The following SNX13 variants were observed in gnomAD, a reference collection of about 807,000 sequenced individuals.
SNX13 encodes sorting nexin-13.
A neutral mutation model predicts 133.6 loss-of-function variants in SNX13; 45 were observed. The ratio of observed to expected loss-of-function variants is 0.34; its 90% CI spans 0.27 to 0.43. The LOEUF (loss-of-function observed/expected upper bound fraction) is 0.43, where lower values mean the gene tolerates loss of function less well. Ranked by LOEUF, SNX13 falls within the 20% of genes least tolerant of loss-of-function variation. The pLI is 1.00. For missense variants in SNX13, 1,032 were observed against 1,145.1 expected, an observed-to-expected ratio of 0.90 and a Z score of 1.43; for synonymous variants, 414 against 373.9, an observed-to-expected ratio of 1.11 and a Z score of -1.24.
chr7:17,883,890 G>C (rs538057342), intron 5 of SNX13, among the ~76,000 whole-genome samples: 47 of 152,142 alleles, frequency 3.1e-4, no homozygotes, highest in Non-Finnish European at 5.4e-4. Context: ...CCCTGCAAAG[G>C]ACATGTACTC....
intron 11 of SNX13, among the ~76,000 whole-genome samples, chr7:17,847,968 T>C (rs1036323798): frequency 6.6e-6 from 1 of 152,088 alleles, no homozygotes; most frequent in African/African-American, 2.4e-5. Context: ...AAAAGGGTGG[T>C]CCCTGGCGAA....
At chr7:17,854,585 A>G (rs1791661069) in intron 9 of SNX13, among the ~76,000 whole-genome samples, 1 of 152,188 alleles carries the variant, frequency 6.6e-6, no homozygotes, top group African/African-American at 2.4e-5. Context: ...AATTTTCAGA[A>G]TATTTCAGAC....
chr7:17,810,723 C>A (rs573816708), intron 20 of SNX13, among the ~76,000 whole-genome samples: 2 of 152,172 alleles, frequency 1.3e-5, no homozygotes, highest in Non-Finnish European at 2.9e-5. Context: ...CAGGCCAATA[C>A]GCCTGATGAA....
At chr7:17,876,995 A>C (rs1295282252) in intron 5 of SNX13, among the ~76,000 whole-genome samples, 1 of 150,416 alleles carries the variant, frequency 6.6e-6, no homozygotes, top group Non-Finnish European at 1.5e-5. Flanking sequence ...TTACCCACAC[A>C]TACAATAAAA....
chr7:17,796,101 C>G (rs1376275121), intron 25 of SNX13: 1 of 151,610 alleles, frequency 6.6e-6, no homozygotes, highest in Non-Finnish European at 1.5e-5. Flanking sequence ...TTCAAAGATA[C>G]TCATTAACAA....
chr7:17,878,737 C>T (rs1266223744), intron 5 of SNX13, among the ~76,000 whole-genome samples: 2 of 152,198 alleles, frequency 1.3e-5, no homozygotes, highest in Non-Finnish European at 2.9e-5. Flanking sequence ...CAAACACCTT[C>T]TCTAAGATCT....
chr7:17,840,004 G>A lies in SNX13; in HGVS notation c.1166-4C>T, dbSNP rs765306070. On this transcript the variant is annotated splice_polypyrimidine_tract_variant and splice_region_variant and intron_variant, in intron 12 of 25. Coordinates refer to ENST00000428135, the MANE Select transcript of SNX13 (RefSeq NM_015132.5). ...CCTCCAGTTTGCTGCATGTAATCTA[G>A]CAATCAAAAATCCATAATAACATAA... 6.2e-7 allele frequency: 1 copy of A among 1,603,264 alleles called. No homozygotes were observed. Among genetic ancestry groups the A allele is most frequent in the African/African-American group, 1.3e-5 (1 of 74,250 alleles).
At chr7:17,800,261 G>A (rs1784470754) in intron 22 of SNX13, among the ~76,000 whole-genome samples, 1 of 151,596 alleles carries the variant, frequency 6.6e-6, no homozygotes, top group African/African-American at 2.4e-5. Context: ...AAAACCAAAT[G>A]AAAATATTAT....
intron 1 of SNX13, among the ~76,000 whole-genome samples, chr7:17,930,810 G>A (rs1199346361): frequency 1.3e-5 from 2 of 152,020 alleles, no homozygotes; most frequent in African/African-American, 4.8e-5. Context: ...TTTTCCACCT[G>A]AGCTCAGCCT....
At chr7:17,908,818 T>A (rs1252787046) in intron 1 of SNX13, among the ~76,000 whole-genome samples, 1 of 152,134 alleles carries the variant, frequency 6.6e-6, no homozygotes, top group Non-Finnish European at 1.5e-5. Context: ...TATGCTTCAG[T>A]TATTACAAGA....
intron 11 of SNX13, among the ~76,000 whole-genome samples, chr7:17,849,580 C>A (rs553618351): frequency 1.3e-5 from 2 of 152,280 alleles, no homozygotes; most frequent in South Asian, 4.1e-4. Flanking sequence ...AAATAAAATT[C>A]TTACTATGGC....
chr7:17,830,161 T>TAAAAAAA (rs367739163), intron 15 of SNX13, 114 bp from the exon 16 acceptor site: 19 of 475,442 alleles, frequency 4.0e-5, no homozygotes, highest in East Asian at 1.5e-4. Context: ...AACATAATAG[T>TAAAAAAA]AAAAAAAAAA....
At chr7:17,851,331 G>C (rs1791183660) in intron 9 of SNX13, among the ~76,000 whole-genome samples, 1 of 152,184 alleles carries the variant, frequency 6.6e-6, no homozygotes, top group Admixed American at 6.5e-5. Flanking sequence ...TCTGAAGCAA[G>C]TCAGAAGTTA....
Position 17,821,549 on chromosome 7 carries a change from T to C in SNX13, c.1805A>G (p.Tyr602Cys). The change falls in exon 18 of 26, where the codon TAT becomes TGT. Residue 602 changes from tyrosine (Y) to cysteine (C), a missense_variant. Transcript: ENST00000428135. ...SEEMWKTYRR[Y>C]SDFHDFHMRI... ...CATGTGGAAGTCATGGAAGTCACTA[T>C]AACGACGATAGGTTTTCCACATCTC... is the stretch of plus-strand genomic sequence containing the variant. The C allele has an allele frequency of 6.2e-7, 1 of 1,613,612 alleles. No individual in the cohort carries two copies. The highest frequency in any genetic ancestry group is 8.5e-7 in the Non-Finnish European group (1 of 1,179,662).
At chr7:17,935,364 A>G (rs1801897751) in intron 1 of SNX13, among the ~76,000 whole-genome samples, 1 of 152,218 alleles carries the variant, frequency 6.6e-6, no homozygotes, top group Admixed American at 6.5e-5. Flanking sequence ...GAGCCTGGAG[A>G]AGAGGGAGCA....
chr7:17,876,432 T>G (rs1794726014), intron 5 of SNX13, among the ~76,000 whole-genome samples: 1 of 152,050 alleles, frequency 6.6e-6, no homozygotes, highest in Admixed American at 6.5e-5. Flanking sequence ...TACAAAAAAT[T>G]AGCCAGGCAT....
chr7:17,832,563 G>A (rs1473557392), intron 15 of SNX13: 1 of 846,378 alleles, frequency 1.2e-6, no homozygotes, highest in Non-Finnish European at 1.4e-6. Context: ...TTTTAGGATG[G>A]TTAGTTGACA....
At chr7:17,929,515 C>T (rs1473672006) in intron 1 of SNX13, among the ~76,000 whole-genome samples, 3 of 152,064 alleles carry the variant, frequency 2.0e-5, no homozygotes, top group Non-Finnish European at 4.4e-5. Context: ...CTCAAGTCAA[C>T]TACATATTTT....
intron 7 of SNX13, 106 bp downstream of exon 7, chr7:17,875,374 T>A (rs906977081): frequency 1.3e-6 from 1 of 773,560 alleles, no homozygotes; most frequent in Admixed American, 2.8e-5. Flanking sequence ...TTTACTATGC[T>A]ACCTGCCCTA....
Sources: gnomAD v4.1 joint callset for allele counts (sites outside exome capture counted in the v4.1 genomes callset) on GRCh38, gnomAD v4.1.1 for gene constraint, MANE v1.5 for transcripts, NCBI Gene and HGNC (gene_info 2026-07-23, HGNC 2026-07-21) for gene names.